XKR6: variants seen among roughly 807,000 people sequenced by gnomAD.
The protein encoded by XKR6 is XK related 6.
Under a neutral mutation model 56.7 loss-of-function variants are expected in XKR6, and 22 were observed. The ratio of observed to expected loss-of-function variants is 0.39; its 90% CI spans 0.28 to 0.55. The LOEUF (loss-of-function observed/expected upper bound fraction) is 0.55, where lower values mean the gene tolerates loss of function less well. Among genes scored for constraint, XKR6 ranks in the 20% least tolerant of loss-of-function variants. The pLI is 0.66. For missense variants in XKR6, 852 were observed against 889.0 expected, an observed-to-expected ratio of 0.96 and a Z score of 0.53; for synonymous variants, 524 against 387.8, an observed-to-expected ratio of 1.35 and a Z score of -4.13.
chr8:11,038,811 G>T (rs1172577384), intron 1 of XKR6, among the ~76,000 whole-genome samples: 1 of 152,100 alleles, frequency 6.6e-6, no homozygotes, highest in African/African-American at 2.4e-5. Context: ...AAAGTGCTGG[G>T]ATTACAGGCA....
At chr8:11,076,970 G>C (rs917663840) in intron 1 of XKR6, among the ~76,000 whole-genome samples, 3 of 152,174 alleles carry the variant, frequency 2.0e-5, no homozygotes, top group Non-Finnish European at 4.4e-5. Flanking sequence ...GAGCCCAGGT[G>C]TTTGAGACAA....
At chr8:11,191,622 G>T (rs1803580427) in intron 1 of XKR6, among the ~76,000 whole-genome samples, 1 of 149,770 alleles carries the variant, frequency 6.7e-6, no homozygotes, top group South Asian at 2.1e-4. Flanking sequence ...AACGACACCT[G>T]CAAGAGACAC....
chr8:10,926,839 G>A (rs1186188617), intron 1 of XKR6, among the ~76,000 whole-genome samples: 1 of 152,248 alleles, frequency 6.6e-6, no homozygotes, highest in Non-Finnish European at 1.5e-5. Flanking sequence ...CAAGGAACCA[G>A]GGAAGAGGCT....
intron 1 of XKR6, among the ~76,000 whole-genome samples, chr8:11,153,787 C>CCT (rs1387512637): frequency 6.6e-6 from 1 of 152,164 alleles, no homozygotes; most frequent in African/African-American, 2.4e-5. Context: ...TGGACTCCTT[C>CCT]CTCTCTCTTT....
intron 1 of XKR6, among the ~76,000 whole-genome samples, chr8:11,176,550 T>A (rs1802665957): frequency 6.6e-6 from 1 of 152,112 alleles, no homozygotes; most frequent in African/African-American, 2.4e-5. Flanking sequence ...CAAGCCAGAT[T>A]TTACATCAAA....
At chr8:11,020,670 C>G (rs1029453891) in intron 1 of XKR6, among the ~76,000 whole-genome samples, 1 of 152,198 alleles carries the variant, frequency 6.6e-6, no homozygotes, top group Admixed American at 6.5e-5. Context: ...CCAAGGAGGC[C>G]TTGATTGGCA....
At chr8:10,981,130 C>T (rs79679740) in intron 1 of XKR6, among the ~76,000 whole-genome samples, 3,769 of 152,258 alleles carry the variant, frequency 0.025, 140 homozygotes, top group African/African-American at 0.086. Flanking sequence ...GTCAACCAGG[C>T]CCAGACAACA....
intron 1 of XKR6, among the ~76,000 whole-genome samples, chr8:11,087,613 C>A (rs1797933400): frequency 6.6e-6 from 1 of 152,186 alleles, no homozygotes; most frequent in Non-Finnish European, 1.5e-5. Flanking sequence ...AAGCATCTTG[C>A]AACCACCAAG....
intron 1 of XKR6, among the ~76,000 whole-genome samples, chr8:11,092,766 C>G (rs1037529430): frequency 3.0e-4 from 45 of 152,306 alleles, no homozygotes; most frequent in African/African-American, 1.1e-3. Flanking sequence ...CCCTTTCAAC[C>G]TCTTTCAATT....
intron 1 of XKR6, among the ~76,000 whole-genome samples, chr8:10,985,273 T>A (rs1563328550): frequency 6.6e-6 from 1 of 152,084 alleles, no homozygotes; most frequent in Non-Finnish European, 1.5e-5. Flanking sequence ...GTTCTCATGA[T>A]TGAGAATAAG....
At chr8:11,023,735 C>T (rs1798796793) in intron 1 of XKR6, among the ~76,000 whole-genome samples, 1 of 152,192 alleles carries the variant, frequency 6.6e-6, no homozygotes, top group Non-Finnish European at 1.5e-5. Flanking sequence ...CAGAGTCTTT[C>T]CCCTGGCTCC....
chr8:11,000,854 C>T (rs1348615016), intron 1 of XKR6, among the ~76,000 whole-genome samples: 1 of 152,060 alleles, frequency 6.6e-6, no homozygotes, highest in Non-Finnish European at 1.5e-5. Context: ...AGGAAATTCC[C>T]AGATGAGATT....
chr8:10,958,993 T>C (rs4265148), intron 1 of XKR6, among the ~76,000 whole-genome samples: 26,592 of 152,198 alleles, frequency 0.17, 3,085 homozygotes, highest in African/African-American at 0.33. Context: ...AGAACATGGC[T>C]TAATCTGCCC....
chr8:11,082,783 G>A (rs546870224), intron 1 of XKR6, among the ~76,000 whole-genome samples: 3 of 152,168 alleles, frequency 2.0e-5, no homozygotes, highest in African/African-American at 4.8e-5. Flanking sequence ...GGCCGTCCTC[G>A]AACACTCTCC....
intron 1 of XKR6, among the ~76,000 whole-genome samples, chr8:11,127,321 T>C (rs1471203801): frequency 1.3e-5 from 2 of 152,262 alleles, no homozygotes; most frequent in African/African-American, 2.4e-5. Flanking sequence ...GAGTTACTTA[T>C]CTTTTTTAAA....
rs572176910 is a variant in XKR6 at position 10,968,008 on chromosome 8, G to A, written c.765-43178C>T. ...CCTCAGCCCTCACTCGGCGCCCTCC[G>A]GGCTCAGGGGCCACCTGTGGACATG... is the stretch of plus-strand genomic sequence containing the variant. On this transcript the variant is annotated intron_variant, in intron 1 of 2. Transcript: ENST00000416569. 3.2e-4 allele frequency among the ~76,000 whole-genome samples: 49 copies of A among 152,312 alleles called. No homozygotes were observed. The East Asian group carries it at 8.1e-3, about 25-fold the overall frequency.
At chr8:11,190,157 A>G (rs1803481640) in intron 1 of XKR6, among the ~76,000 whole-genome samples, 1 of 150,584 alleles carries the variant, frequency 6.6e-6, no homozygotes, top group Non-Finnish European at 1.5e-5. Flanking sequence ...AACTGTCCCA[A>G]AAAAAAAGAA....
At chr8:10,986,609 T>A (rs1012643840) in intron 1 of XKR6, among the ~76,000 whole-genome samples, 1 of 152,200 alleles carries the variant, frequency 6.6e-6, no homozygotes, top group African/African-American at 2.4e-5. Flanking sequence ...CAGTAGAATG[T>A]CATAGTTGAG....
chr8:11,063,002 G>A, intron 1 of XKR6: 1 of 361,480 alleles, frequency 2.8e-6, no homozygotes, highest in Admixed American at 3.8e-5. Flanking sequence ...CTGGGTTCTT[G>A]AATCCTCACA....
Sources: gnomAD v4.1 joint callset for allele counts (sites outside exome capture counted in the v4.1 genomes callset) on GRCh38, gnomAD v4.1.1 for gene constraint, MANE v1.5 for transcripts, NCBI Gene and HGNC (gene_info 2026-07-23, HGNC 2026-07-21) for gene names.